Variants in EEFSEC observed in about 807,000 individuals in gnomAD.
EEFSEC encodes the protein eukaryotic elongation factor, selenocysteine-tRNA specific.
A neutral mutation model predicts 42.1 loss-of-function variants in EEFSEC; 43 were observed. The ratio of observed to expected loss-of-function variants is 1.02; its 90% CI spans 0.80 to 1.32. EEFSEC has a LOEUF of 1.32. Ranked by LOEUF, EEFSEC falls within the 40% of genes most tolerant of loss-of-function variation. EEFSEC has a pLI of 0.00. For missense variants in EEFSEC, 745 were observed against 803.6 expected (o/e 0.93, Z 0.88); for synonymous variants, 354 against 339.1 (o/e 1.04, Z -0.48).
intron 1 of EEFSEC, among the ~76,000 whole-genome samples, chr3:128,243,802 T>C (rs939054454): frequency 1.3e-5 from 2 of 152,030 alleles, no homozygotes; most frequent in Non-Finnish European, 1.5e-5. Context: ...AATTGTGGGC[T>C]GGGTCCCCAC....
At position 128,168,598 on chromosome 3, in the gene EEFSEC, C is replaced by A. The variant is rs543386776; in HGVS notation, c.316+14775C>A. Among the ~76,000 whole-genome samples the A allele has an allele frequency of 2.0e-5, 3 of 152,342 alleles. No homozygotes were observed. In the East Asian group the frequency reaches 5.8e-4, roughly 29 times the overall value. ...CAGGTCACTCACCTCCATCAGCTAG[C>A]CAGTTTCACCCTTTAGTTCTTCTTG... On this transcript the variant is annotated intron_variant, in intron 1 of 6. Coordinates refer to ENST00000254730, the MANE Select transcript of EEFSEC (RefSeq NM_021937.5).
At chr3:128,420,371 T>C in the EEFSEC span, among the ~76,000 whole-genome samples, 1 of 152,242 alleles carries the variant, frequency 6.6e-6, no homozygotes, top group South Asian at 2.1e-4. Flanking sequence ...GAACGGTCCC[T>C]GCTGGGAGGA....
At chr3:128,357,285 G>A (rs2067466123) in intron 5 of EEFSEC, among the ~76,000 whole-genome samples, 1 of 152,280 alleles carries the variant, frequency 6.6e-6, no homozygotes, top group South Asian at 2.1e-4. Context: ...CAAGCCTCTA[G>A]GGAGAAGGTT....
At chr3:128,381,757 G>A (rs1210067389) in intron 6 of EEFSEC, among the ~76,000 whole-genome samples, 1 of 152,212 alleles carries the variant, frequency 6.6e-6, no homozygotes, top group Non-Finnish European at 1.5e-5. Flanking sequence ...CGTGGGGCCT[G>A]CAGGAAATGC....
At chr3:128,376,086 G>A (rs2067706581) in intron 6 of EEFSEC, among the ~76,000 whole-genome samples, 1 of 152,178 alleles carries the variant, frequency 6.6e-6, no homozygotes, top group African/African-American at 2.4e-5. Flanking sequence ...CCAGCTGCAA[G>A]TCCAGTGGAG....
chr3:128,372,169 G>A (rs1328371941), intron 6 of EEFSEC, among the ~76,000 whole-genome samples: 2 of 152,196 alleles, frequency 1.3e-5, no homozygotes, highest in Non-Finnish European at 2.9e-5. Flanking sequence ...AACATTTTAG[G>A]CAGTGGAAAG....
At chr3:128,352,472 G>C (rs1337329280) in intron 5 of EEFSEC, among the ~76,000 whole-genome samples, 2 of 152,224 alleles carry the variant, frequency 1.3e-5, no homozygotes, top group African/African-American at 4.8e-5. Context: ...GGCTGGCGTA[G>C]ACAAGCCACT....
chr3:128,382,838 C>A (rs1039108347), intron 6 of EEFSEC, among the ~76,000 whole-genome samples: 2 of 152,174 alleles, frequency 1.3e-5, no homozygotes, highest in African/African-American at 4.8e-5. Flanking sequence ...GAAAAAGCAA[C>A]CCCTACTCTT....
chr3:128,298,495 A>G (rs1445699640), intron 4 of EEFSEC, among the ~76,000 whole-genome samples: 3 of 152,238 alleles, frequency 2.0e-5, no homozygotes, highest in Non-Finnish European at 4.4e-5. Context: ...GGGGGCACAT[A>G]TGATATTTTG....
At chr3:128,278,586 T>A (rs2811373) in intron 4 of EEFSEC, among the ~76,000 whole-genome samples, 127,780 of 152,220 alleles carry the variant, frequency 0.84, 54,113 homozygotes, top group East Asian at 0.99. Flanking sequence ...ATTTATGTGC[T>A]GTTGGTGGCT....
At chr3:128,413,792 G>A in the EEFSEC span, among the ~76,000 whole-genome samples, 1 of 152,212 alleles carries the variant, frequency 6.6e-6, no homozygotes, top group African/African-American at 2.4e-5. Flanking sequence ...CGAGCCTCCA[G>A]CATCCCACAT....
chr3:128,309,930 G>C (rs1403753976), intron 4 of EEFSEC, among the ~76,000 whole-genome samples: 1 of 152,204 alleles, frequency 6.6e-6, no homozygotes, highest in Non-Finnish European at 1.5e-5. Flanking sequence ...TCAAATGTCA[G>C]CTTTTCCTAG....
In EEFSEC at chr3:128,296,448, A is replaced by T. The variant is rs565954544; in HGVS notation, c.786+31667A>T. On this transcript the variant is annotated intron_variant, in intron 4 of 6. Transcript: ENST00000254730. ...AGTCCAGCATTTGCAAGCCATCCTG[A>T]TGCTGGCCCTTGCTTTTCTCTGTAG... is the stretch of plus-strand genomic sequence containing the variant. Among the ~76,000 whole-genome samples, 3 of 152,186 alleles carry T rather than the reference A, an allele frequency of 2.0e-5. No individual in the cohort carries two copies. The East Asian group carries it at 5.8e-4, about 29-fold the overall frequency.
At chr3:128,239,830 TAAC>T (rs987079276) in intron 1 of EEFSEC, among the ~76,000 whole-genome samples, 1 of 152,222 alleles carries the variant, frequency 6.6e-6, no homozygotes, top group Non-Finnish European at 1.5e-5. Flanking sequence ...AAAATGGTGA[TAAC>T]AAGGACCAGG....
intron 4 of EEFSEC, among the ~76,000 whole-genome samples, chr3:128,295,749 C>G (rs1286467067): frequency 2.0e-5 from 3 of 151,802 alleles, no homozygotes; most frequent in Non-Finnish European, 4.4e-5. Flanking sequence ...AGGCAGACAC[C>G]CCAGCATGGC....
Position 128,154,197 on chromosome 3 carries a change from TC to T in EEFSEC, c.316+375del, listed in dbSNP as rs1271775628. On this transcript the variant is annotated intron_variant, in intron 1 of 6. Coordinates refer to ENST00000254730, the MANE Select transcript of EEFSEC (RefSeq NM_021937.5). Reference sequence around the variant, plus strand: ...TACAAAGGCTGTCTTCATTCACCTGTCATTTGGTCTGATTCCCGTTCCTAGA... The same window carrying T: ...TACAAAGGCTGTCTTCATTCACCTGTATTTGGTCTGATTCCCGTTCCTAGA... 3.3e-5 allele frequency among the ~76,000 whole-genome samples: 5 copies of T among 152,152 alleles called. No homozygotes were observed. The East Asian group carries it at 9.6e-4, about 29-fold the overall frequency.
chr3:128,306,988 G>A (rs2066834731), intron 4 of EEFSEC, among the ~76,000 whole-genome samples: 2 of 152,234 alleles, frequency 1.3e-5, no homozygotes, highest in Admixed American at 1.3e-4. Flanking sequence ...GTAGCAAGCA[G>A]GGTAACCTGG....
intron 4 of EEFSEC, among the ~76,000 whole-genome samples, chr3:128,327,749 C>T (rs1020111636): frequency 2.0e-5 from 3 of 152,136 alleles, no homozygotes; most frequent in African/African-American, 7.2e-5. Flanking sequence ...AGCACCAGGG[C>T]ACCCGGAGCC....
downstream of EEFSEC, among the ~76,000 whole-genome samples, chr3:128,409,665 C>T (rs2068160208): frequency 6.6e-6 from 1 of 152,224 alleles, no homozygotes; most frequent in South Asian, 2.1e-4. Context: ...GCGGCTGCTG[C>T]AGGCTGCGGG....
Sources: allele counts gnomAD v4.1 joint callset (sites outside exome capture counted in the v4.1 genomes callset), GRCh38; gene constraint gnomAD v4.1.1; transcripts MANE v1.5; gene names NCBI Gene and HGNC (gene_info 2026-07-23, HGNC 2026-07-21).